PSMD14: variants seen among roughly 807,000 people sequenced by gnomAD.
PSMD14 encodes the protein ubiquitin C-terminal hydrolase PSMD14.
A neutral mutation model predicts 41.2 loss-of-function variants in PSMD14; 7 were observed. The observed-to-expected ratio is 0.17, with a 90% CI of 0.10 to 0.32. PSMD14 has a LOEUF of 0.32. Among genes scored for constraint, PSMD14 ranks in the 10% least tolerant of loss-of-function variants. The pLI is 1.00. For missense variants in PSMD14, 139 were observed against 375.6 expected (o/e 0.37, Z 5.21); for synonymous variants, 114 against 122.3 (o/e 0.93, Z 0.45).
At chr2:161,390,191 A>G (rs984122577) in intron 8 of PSMD14, among the ~76,000 whole-genome samples, 7 of 151,726 alleles carry the variant, frequency 4.6e-5, no homozygotes, top group Non-Finnish European at 1.0e-4. Context: ...TAAGACCTAC[A>G]TTGTAAAAGT....
Position 161,395,309 on chromosome 2 carries a change from T to C in PSMD14, c.771+106T>C. 5 of 1,103,612 alleles carry C rather than the reference T, an allele frequency of 4.5e-6. No homozygotes were observed. The South Asian group carries it at 7.9e-5, about 17-fold the overall frequency. 68.4% of individuals were successfully genotyped at this position (1,103,612 alleles called of 1,614,324 possible). A position where few individuals can be genotyped will look rare whatever the true frequency, so the allele number is the denominator to read the frequency against. On this transcript the variant is annotated intron_variant, in intron 10 of 11. Coordinates refer to ENST00000409682, the MANE Select transcript of PSMD14 (RefSeq NM_005805.6). ...AAAATAGAGAATCCTGTTTTGTAAA[T>C]AAAATAGTAAATATTTGCTTTGCAG...
At chr2:161,317,201 A>G (rs1574112776) in intron 2 of PSMD14, among the ~76,000 whole-genome samples, 1 of 152,156 alleles carries the variant, frequency 6.6e-6, no homozygotes, top group Admixed American at 6.6e-5. Context: ...AGGAATTTCA[A>G]TGAGTATTTG....
At chr2:161,384,961 G>A (rs766120877) in intron 7 of PSMD14, 2 of 151,832 alleles carry the variant, frequency 1.3e-5, no homozygotes, top group Non-Finnish European at 2.9e-5. Flanking sequence ...AGAAGTAAAA[G>A]GTATCTGACT....
intron 3 of PSMD14, among the ~76,000 whole-genome samples, chr2:161,333,727 A>G (rs942902778): frequency 3.9e-5 from 6 of 152,196 alleles, no homozygotes; most frequent in Non-Finnish European, 7.3e-5. Context: ...AAAGGTATCA[A>G]TTTTTAAAAA....
chr2:161,344,117 G>C (rs1444140983), intron 3 of PSMD14, among the ~76,000 whole-genome samples: 2 of 149,122 alleles, frequency 1.3e-5, no homozygotes, highest in African/African-American at 2.5e-5. Context: ...CTTGGTGCGG[G>C]GGGGTGGGGA....
chr2:161,394,508 A>C (rs1206260505), intron 9 of PSMD14, among the ~76,000 whole-genome samples: 2 of 152,206 alleles, frequency 1.3e-5, no homozygotes, highest in East Asian at 3.9e-4. Context: ...AAGCTAGGCT[A>C]TATGAAAAAT....
In PSMD14 at chr2:161,411,645, T is replaced by G; in HGVS notation, c.*245T>G. On this transcript the variant is annotated 3_prime_UTR_variant, in exon 12 of 12. Transcript: ENST00000409682. ...GGACAAATTTTGTTAAGATCCCATTTAATATTTGAAAAAATCAGTAGCACA... is the reference window on the plus strand; with the variant it reads ...GGACAAATTTTGTTAAGATCCCATTGAATATTTGAAAAAATCAGTAGCACA... The G allele has an allele frequency of 4.0e-6, 1 of 248,872 alleles. No homozygotes were observed. The highest frequency in any genetic ancestry group is 7.6e-6 in the Non-Finnish European group (1 of 131,046). 15.4% of individuals were successfully genotyped at this position (248,872 alleles called of 1,614,324 possible). A position where few individuals can be genotyped will look rare whatever the true frequency, so the allele number is the denominator to read the frequency against.
intron 3 of PSMD14, among the ~76,000 whole-genome samples, chr2:161,353,377 A>G (rs907982135): frequency 6.6e-6 from 1 of 152,198 alleles, no homozygotes; most frequent in African/African-American, 2.4e-5. Context: ...GCTTATTTGA[A>G]AAGTCACATC....
intron 7 of PSMD14, among the ~76,000 whole-genome samples, chr2:161,378,340 A>G (rs1417993894): frequency 6.6e-6 from 1 of 152,008 alleles, no homozygotes; most frequent in Non-Finnish European, 1.5e-5. Context: ...AAAGTATTTC[A>G]TGAACTCAGA....
chr2:161,329,565 T>C (rs914236728), intron 3 of PSMD14, among the ~76,000 whole-genome samples: 1 of 152,108 alleles, frequency 6.6e-6, no homozygotes, highest in African/African-American at 2.4e-5. Context: ...TTCTAAACAT[T>C]AGTAGATTAA....
chr2:161,367,342 A>G (rs1683372466), intron 3 of PSMD14, 136 bp from the exon 4 acceptor site: 1 of 668,850 alleles, frequency 1.5e-6, no homozygotes, highest in Non-Finnish European at 2.5e-6. Flanking sequence ...TGATTATGTC[A>G]TAGCCAAATA....
chr2:161,390,509 C>T (rs1683697646), intron 8 of PSMD14, among the ~76,000 whole-genome samples: 1 of 152,094 alleles, frequency 6.6e-6, no homozygotes, highest in Non-Finnish European at 1.5e-5. Flanking sequence ...TATGATTGGC[C>T]TGTTCACCTT....
chr2:161,395,579 C>T (rs1683781855), intron 10 of PSMD14, among the ~76,000 whole-genome samples: 1 of 152,164 alleles, frequency 6.6e-6, no homozygotes, highest in Admixed American at 6.5e-5. Flanking sequence ...TAGATAACAA[C>T]AGCACTTACT....
chr2:161,362,122 A>G (rs993572171), intron 3 of PSMD14, among the ~76,000 whole-genome samples: 30 of 152,138 alleles, frequency 2.0e-4, no homozygotes, highest in African/African-American at 6.5e-4. Context: ...GCTGGAGTGC[A>G]GTGGTTAACC....
chr2:161,312,141 A>G (rs1689095042), intron 1 of PSMD14, among the ~76,000 whole-genome samples: 1 of 151,732 alleles, frequency 6.6e-6, no homozygotes, highest in Non-Finnish European at 1.5e-5. Flanking sequence ...CAGTCTGAAA[A>G]GTAATTTTTT....
intron 3 of PSMD14, among the ~76,000 whole-genome samples, chr2:161,364,637 G>A (rs1683334934): frequency 6.6e-6 from 1 of 152,084 alleles, no homozygotes; most frequent in Admixed American, 6.5e-5. Flanking sequence ...TGAGCATGTA[G>A]GAAAACAACA....
intron 7 of PSMD14, chr2:161,381,786 A>G (rs1683573867): frequency 6.6e-6 from 1 of 151,946 alleles, no homozygotes; most frequent in Non-Finnish European, 1.5e-5. Flanking sequence ...TGGAATAAAT[A>G]CGGAACTCAG....
rs991114895 is a variant in PSMD14, at chr2:161,403,722, T to C, written c.772-5115T>C. Among the ~76,000 whole-genome samples the C allele has an allele frequency of 5.9e-5, 9 of 152,168 alleles. No individual in the cohort carries two copies. In the East Asian group the frequency reaches 1.5e-3, roughly 26 times the overall value. ...AGTAATTTGCAGTTCTTCTAACTTA[T>C]AATGCTTTTTCTTGCTTCCTGGCCT... On this transcript the variant is annotated intron_variant, in intron 10 of 11. Transcript: ENST00000409682.
chr2:161,345,462 C>T (rs1232811721), intron 3 of PSMD14, among the ~76,000 whole-genome samples: 2 of 151,860 alleles, frequency 1.3e-5, no homozygotes, highest in African/African-American at 2.4e-5. Context: ...AGGCTGGTCT[C>T]AAACTCCTGA....
Sources: allele counts gnomAD v4.1 joint callset (sites outside exome capture counted in the v4.1 genomes callset), GRCh38; gene constraint gnomAD v4.1.1; transcripts MANE v1.5; gene names NCBI Gene and HGNC (gene_info 2026-07-23, HGNC 2026-07-21).